Variants in TASP1 observed in about 807,000 individuals in gnomAD.
TASP1 encodes the protein threonine aspartase 1.
Under a neutral mutation model 56.6 loss-of-function variants are expected in TASP1, and 16 were observed. The ratio of observed to expected loss-of-function variants is 0.28; its 90% CI spans 0.19 to 0.43. The LOEUF is 0.43. Among genes scored for constraint, TASP1 ranks in the 20% least tolerant of loss-of-function variants. The pLI is 1.00. For missense variants in TASP1, 393 were observed against 511.6 expected, an observed-to-expected ratio of 0.77 and a Z score of 2.24; for synonymous variants, 179 against 184.2, an observed-to-expected ratio of 0.97 and a Z score of 0.23.
At chr20:13,526,831 G>T (rs988307959) in intron 10 of TASP1, among the ~76,000 whole-genome samples, 1 of 152,126 alleles carries the variant, frequency 6.6e-6, no homozygotes, top group Non-Finnish European at 1.5e-5. Flanking sequence ...GAGAATAAGA[G>T]CAATGAAAGA....
At chr20:13,110,227 T>C in the TASP1 span, 1 of 1,609,444 alleles carries the variant, frequency 6.2e-7, no homozygotes, top group Non-Finnish European at 8.5e-7. Flanking sequence ...GGTATGTAAA[T>C]AACAGGACAC....
At chr20:13,433,841 T>TAAAAAAAAAAAAAAA (rs111973613) in intron 12 of TASP1, among the ~76,000 whole-genome samples, 5 of 116,184 alleles carry the variant, frequency 4.3e-5, no homozygotes, top group African/African-American at 1.3e-4. Flanking sequence ...GTGTTTGTAT[T>TAAAAAAAAAAAAAAA]AAAAAAAAAA....
intron 5 of TASP1, among the ~76,000 whole-genome samples, chr20:13,583,565 T>G (rs542991074): frequency 1.3e-5 from 2 of 152,364 alleles, no homozygotes; most frequent in East Asian, 3.9e-4. Flanking sequence ...TTACCCAGAC[T>G]AATACAATGT....
Position 13,559,034 on chromosome 20 carries a change from T to C in TASP1, c.649A>G (p.Lys217Glu), listed in dbSNP as rs371116171. ...ERVDTDFMQL[K>E]KRRQSSEKEN... is the part of the protein sequence containing the mutation. ...TTCTCACTTGATTGTCTTCTTTTCT[T>C]TAGTTGCATAAAATCTGTGTCCACC... The change falls in exon 8 of 14, where the codon AAG (lysine) becomes GAG (glutamate). Residue 217 changes from lysine to glutamate, a missense_variant. By Grantham distance (56) the Lys-to-Glu change is moderately conservative. This residue lies in a region of TASP1 where 293 missense variants were observed against 354.2 expected (regional missense o/e 0.83). Transcript: ENST00000337743. 6.3e-7 allele frequency: 1 copy of C among 1,595,774 alleles called. No homozygotes were observed. The highest frequency in any genetic ancestry group is 1.3e-5 in the African/African-American group (1 of 74,320).
chr20:13,533,426 CA>C (rs779630965), intron 9 of TASP1, among the ~76,000 whole-genome samples: 1 of 152,010 alleles, frequency 6.6e-6, no homozygotes, highest in African/African-American at 2.4e-5. Context: ...GGGAAAGGGG[CA>C]AAGTGAAGAA....
chr20:13,306,564 CAAA>C, the TASP1 span, among the ~76,000 whole-genome samples: 3,632 of 64,000 alleles, frequency 0.057, 36 homozygotes, highest in Admixed American at 0.09. Context: ...GGAGAAAGGA[CAAA>C]AAAAAAAAAA....
intron 11 of TASP1, among the ~76,000 whole-genome samples, chr20:13,457,859 G>A (rs1472972170): frequency 6.6e-6 from 1 of 152,114 alleles, no homozygotes; most frequent in Non-Finnish European, 1.5e-5. Context: ...GTCTGTTATG[G>A]AACTATATCC....
chr20:13,584,868 A>G (rs892680405), intron 5 of TASP1, among the ~76,000 whole-genome samples: 21 of 152,376 alleles, frequency 1.4e-4, no homozygotes, highest in African/African-American at 4.8e-4. Flanking sequence ...ATATAATCAT[A>G]TAAATGTTAA....
At position 13,433,781 on chromosome 20, in the gene TASP1, G is replaced by A. The variant is rs922751237; in HGVS notation, c.1096+1263C>T. On this transcript the variant is annotated intron_variant, in intron 12 of 13. Transcript: ENST00000337743. ...AGGCACCACTCACGCTTTCTGTAAGGAAATTTATAGGAAGGGTTAAACTAC... is the reference window on the plus strand; with the variant it reads ...AGGCACCACTCACGCTTTCTGTAAGAAAATTTATAGGAAGGGTTAAACTAC... Among the ~76,000 whole-genome samples the A allele has an allele frequency of 6.1e-5, 9 of 148,426 alleles. No individual in the cohort carries two copies. The South Asian group carries it at 1.9e-3, about 31-fold the overall frequency.
At chr20:13,257,573 A>ATCAG in the TASP1 span, among the ~76,000 whole-genome samples, 234 of 152,232 alleles carry the variant, frequency 1.5e-3, 1 homozygote, top group African/African-American at 5.2e-3. Context: ...CCCCTCTCGA[A>ATCAG]TCAGTGATAA....
chr20:13,636,507 T>C (rs1443801535), intron 1 of TASP1, among the ~76,000 whole-genome samples: 1 of 151,924 alleles, frequency 6.6e-6, no homozygotes, highest in Non-Finnish European at 1.5e-5. Flanking sequence ...TAATGCCTCA[T>C]TAAATGAACT....
At chr20:13,420,571 T>C (rs2042400076) in intron 12 of TASP1, among the ~76,000 whole-genome samples, 1 of 152,240 alleles carries the variant, frequency 6.6e-6, no homozygotes, top group South Asian at 2.1e-4. Flanking sequence ...AGAATTTAAA[T>C]TATAAAACAC....
chr20:13,160,111 T>C, the TASP1 span: 1 of 1,613,926 alleles, frequency 6.2e-7, no homozygotes, highest in African/African-American at 1.3e-5. Flanking sequence ...CAGCGGCACA[T>C]ACCCGGGAGA....
chr20:13,493,442 T>C (rs1370615930), intron 10 of TASP1, among the ~76,000 whole-genome samples: 2 of 152,130 alleles, frequency 1.3e-5, no homozygotes, highest in Non-Finnish European at 2.9e-5. Context: ...GTTTGCTGGG[T>C]CTTCTGGCTT....
the TASP1 span, among the ~76,000 whole-genome samples, chr20:13,185,525 G>T: frequency 6.6e-6 from 1 of 151,992 alleles, no homozygotes; most frequent in Admixed American, 6.6e-5. Flanking sequence ...TAGGAGATAT[G>T]GTCACTACAT....
At position 13,577,070 on chromosome 20, in the gene TASP1, G is replaced by A. The variant is rs556635187; in HGVS notation, c.488+3827C>T. Among the ~76,000 whole-genome samples, 8 of 152,192 alleles carry A rather than the reference G, an allele frequency of 5.3e-5. No individual in the cohort carries two copies. The East Asian group carries it at 1.5e-3, about 29-fold the overall frequency. On this transcript the variant is annotated intron_variant, in intron 6 of 13. Coordinates refer to ENST00000337743, the MANE Select transcript of TASP1 (RefSeq NM_017714.3). ...GCTGTAATAATATGAAAGAATACGTGGCAATGAGAAAATCAGGGTTATTGT... is the reference window on the plus strand; with the variant it reads ...GCTGTAATAATATGAAAGAATACGTAGCAATGAGAAAATCAGGGTTATTGT...
intron 12 of TASP1, among the ~76,000 whole-genome samples, chr20:13,422,196 G>A (rs1414717835): frequency 4.6e-5 from 7 of 151,858 alleles, no homozygotes; most frequent in Middle Eastern, 3.4e-3. Flanking sequence ...CTTGTTATCC[G>A]CGTGCCTCGG....
the TASP1 span, chr20:13,153,888 C>A: frequency 7.3e-7 from 1 of 1,365,982 alleles, no homozygotes; most frequent in Non-Finnish European, 1.0e-6. Flanking sequence ...ACTTCCTCCT[C>A]CCAGCTAGTG....
chr20:13,238,966 A>C, the TASP1 span: 1 of 152,268 alleles, frequency 6.6e-6, no homozygotes, highest in East Asian at 1.9e-4. Context: ...TCACTGGTAC[A>C]TTCAGGAAGA....
Sources: allele counts gnomAD v4.1 joint callset (sites outside exome capture counted in the v4.1 genomes callset), GRCh38; gene constraint gnomAD v4.1.1; regional missense constraint gnomAD v4.1.1; transcripts MANE v1.5; gene names NCBI Gene and HGNC (gene_info 2026-07-23, HGNC 2026-07-21).